SHISA9: variants seen among roughly 807,000 people sequenced by gnomAD.
SHISA9 encodes the protein shisa family member 9, also known as protein shisa-9.
In SHISA9, 13 loss-of-function variants were observed where a neutral mutation model predicts 38.0. The ratio of observed to expected loss-of-function variants is 0.34; its 90% CI spans 0.22 to 0.54. SHISA9 has a LOEUF of 0.54. Among genes scored for constraint, SHISA9 ranks in the 20% least tolerant of loss-of-function variants. The pLI, the probability that SHISA9 is intolerant of heterozygous loss-of-function variation, is 0.91. For synonymous variants in SHISA9, 275 were observed against 242.0 expected (o/e 1.14, Z -1.27); for missense variants, 538 against 575.8 (o/e 0.93, Z 0.67).
intron 2 of SHISA9, among the ~76,000 whole-genome samples, chr16:13,121,513 C>T (rs528481771): frequency 8.3e-4 from 127 of 152,248 alleles, no homozygotes; most frequent in East Asian, 6.9e-3. Context: ...TTATTTGTCT[C>T]TGCATTCTGT....
At chr16:13,094,461 TA>T (rs138180155) in intron 2 of SHISA9, among the ~76,000 whole-genome samples, 12 of 149,968 alleles carry the variant, frequency 8.0e-5, no homozygotes, top group East Asian at 5.8e-4. Flanking sequence ...TAGGCAAAAA[TA>T]AAAAAAAAAT....
At chr16:13,440,480 A>C in the SHISA9 span, among the ~76,000 whole-genome samples, 1 of 152,206 alleles carries the variant, frequency 6.6e-6, no homozygotes, top group Non-Finnish European at 1.5e-5. Flanking sequence ...CTGGCTTTAA[A>C]ACAGAGCAGA....
At chr16:13,549,791 G>T in the SHISA9 span, among the ~76,000 whole-genome samples, 1 of 152,174 alleles carries the variant, frequency 6.6e-6, no homozygotes, top group African/African-American at 2.4e-5. Context: ...TTGGGCAGCC[G>T]AGGTGGGCAG....
chr16:13,118,730 C>CTTTTTTTTTTTTTTTTTTTTT (rs34471353), intron 2 of SHISA9, among the ~76,000 whole-genome samples: 1 of 130,778 alleles, frequency 7.6e-6, no homozygotes, highest in Non-Finnish European at 1.6e-5. Flanking sequence ...TTTCTTTTTT[C>CTTTTTTTTTTTTTTTTTTTTT]TTTTTTTTTT....
At chr16:13,407,684 C>G in the SHISA9 span, among the ~76,000 whole-genome samples, 4 of 152,068 alleles carry the variant, frequency 2.6e-5, 1 homozygote, top group Admixed American at 2.0e-4. Flanking sequence ...CATAATAATC[C>G]TCTACCCATT....
At chr16:13,198,810 G>T (rs1446039735) in intron 2 of SHISA9, among the ~76,000 whole-genome samples, 1 of 152,182 alleles carries the variant, frequency 6.6e-6, no homozygotes, top group Non-Finnish European at 1.5e-5. Context: ...ATCTAAAACT[G>T]CCAGAAATTT....
At chr16:12,912,784 C>T (rs1362263994) in intron 1 of SHISA9, among the ~76,000 whole-genome samples, 3 of 152,194 alleles carry the variant, frequency 2.0e-5, no homozygotes, top group Non-Finnish European at 4.4e-5. Flanking sequence ...CAGTATTTCA[C>T]TCTGTGAAAC....
the SHISA9 span, among the ~76,000 whole-genome samples, chr16:13,434,566 C>T: frequency 2.6e-5 from 4 of 151,774 alleles, no homozygotes; most frequent in African/African-American, 7.3e-5. Flanking sequence ...TACAGGCGCC[C>T]GCCACCAAGC....
At chr16:13,541,585 C>A in the SHISA9 span, among the ~76,000 whole-genome samples, 1 of 152,314 alleles carries the variant, frequency 6.6e-6, no homozygotes, top group South Asian at 2.1e-4. Flanking sequence ...TTAAATGACT[C>A]TTCTAAGAAA....
chr16:13,197,305 A>G (rs1437146755), intron 2 of SHISA9, among the ~76,000 whole-genome samples: 1 of 152,060 alleles, frequency 6.6e-6, no homozygotes, highest in Non-Finnish European at 1.5e-5. Flanking sequence ...AGGAGTCATT[A>G]TGTTGTCTTT....
rs545283664 is a variant in SHISA9 at position 12,910,625 on chromosome 16, T to G, written c.564-6063T>G. 47 of 985,334 alleles carry G rather than the reference T, an allele frequency of 4.8e-5. No individual in the cohort carries two copies. In the African/African-American group the frequency reaches 6.8e-4, roughly 14 times the overall value. The allele number at this position is 985,334 out of a possible 1,614,324, so 61.0% of individuals were successfully genotyped here. ...TCAAAAATGGCAACATAATTATGTTTCAACATAATTGTTGTTTTAAACAAA... is the reference window on the plus strand; with the variant it reads ...TCAAAAATGGCAACATAATTATGTTGCAACATAATTGTTGTTTTAAACAAA... On this transcript the variant is annotated intron_variant, in intron 1 of 4. Coordinates refer to ENST00000558583, the MANE Select transcript of SHISA9 (RefSeq NM_001145204.3).
chr16:12,920,502 T>C (rs1244901401), intron 2 of SHISA9, among the ~76,000 whole-genome samples: 1 of 152,168 alleles, frequency 6.6e-6, no homozygotes, highest in Non-Finnish European at 1.5e-5. Context: ...AAGAGTGTCA[T>C]TGGATTGTTT....
intron 4 of SHISA9, among the ~76,000 whole-genome samples, chr16:13,226,846 T>C (rs2051284393): frequency 6.6e-6 from 1 of 152,200 alleles, no homozygotes; most frequent in African/African-American, 2.4e-5. Flanking sequence ...GGATCCCTTC[T>C]TCACATGGAG....
At chr16:13,234,351 T>C (rs571489210) in intron 4 of SHISA9, among the ~76,000 whole-genome samples, 6 of 152,346 alleles carry the variant, frequency 3.9e-5, no homozygotes, top group African/African-American at 1.4e-4. Flanking sequence ...ACAGATCATA[T>C]CATTTAACTC....
chr16:12,908,827 A>T (rs1411772351), intron 1 of SHISA9: 33 of 1,303,034 alleles, frequency 2.5e-5, no homozygotes, highest in Non-Finnish European at 3.0e-5. Context: ...ACATATGTGA[A>T]GCTCTCTACA....
the SHISA9 span, among the ~76,000 whole-genome samples, chr16:13,339,255 T>A: frequency 6.7e-6 from 1 of 150,352 alleles, no homozygotes; most frequent in Non-Finnish European, 1.5e-5. Flanking sequence ...GGCTATTAGG[T>A]ACTTTTTGCC....
chr16:13,327,737 ACCT>A, the SHISA9 span, among the ~76,000 whole-genome samples: 2 of 150,696 alleles, frequency 1.3e-5, no homozygotes, highest in Non-Finnish European at 3.0e-5. Context: ...ACTCACTGAA[ACCT>A]CCGCCTCCCG....
At chr16:12,980,731 A>AT (rs1427619136) in intron 2 of SHISA9, among the ~76,000 whole-genome samples, 9 of 151,502 alleles carry the variant, frequency 5.9e-5, no homozygotes, top group African/African-American at 2.2e-4. Context: ...ATTTACCTTT[A>AT]ATTTTTTTTC....
intron 2 of SHISA9, among the ~76,000 whole-genome samples, chr16:13,086,353 CAAAA>C (rs767516512): frequency 7.8e-5 from 4 of 50,966 alleles, no homozygotes; most frequent in Non-Finnish European, 1.6e-4. Flanking sequence ...GATTCCATCT[CAAAA>C]AAAAAAAAAA....
Sources: allele counts gnomAD v4.1 joint callset (sites outside exome capture counted in the v4.1 genomes callset), GRCh38; gene constraint gnomAD v4.1.1; transcripts MANE v1.5; gene names NCBI Gene and HGNC (gene_info 2026-07-23, HGNC 2026-07-21).